Variants in CDC42SE2 observed in about 807,000 individuals in gnomAD.
The protein encoded by CDC42SE2 is CDC42 small effector protein 2.
Under a neutral mutation model 11.5 loss-of-function variants are expected in CDC42SE2, and 3 were observed. The ratio of observed to expected loss-of-function variants is 0.26; its 90% CI spans 0.12 to 0.67. The LOEUF (loss-of-function observed/expected upper bound fraction) is 0.67, where lower values mean the gene tolerates loss of function less well. Among genes scored for constraint, CDC42SE2 ranks in the 30% least tolerant of loss-of-function variants. CDC42SE2 has a pLI of 0.80. For missense variants in CDC42SE2, 82 were observed against 106.8 expected (o/e 0.77, Z 1.02); for synonymous variants, 33 against 34.8 (o/e 0.95, Z 0.18).
intron 3 of CDC42SE2, among the ~76,000 whole-genome samples, chr5:131,381,334 G>GT (rs1488668476): frequency 5.7e-5 from 8 of 139,320 alleles, no homozygotes; most frequent in Admixed American, 2.1e-4. Context: ...TTTTTTTTTT[G>GT]TTTTTTTGAG....
chr5:131,307,552 C>T (rs1757805617), intron 1 of CDC42SE2, among the ~76,000 whole-genome samples: 1 of 152,108 alleles, frequency 6.6e-6, no homozygotes, highest in Admixed American at 6.6e-5. Context: ...TTTATAGCAG[C>T]ATGATTTATA....
chr5:131,277,917 G>A (rs1044494651), intron 1 of CDC42SE2, among the ~76,000 whole-genome samples: 1 of 152,044 alleles, frequency 6.6e-6, no homozygotes, highest in Non-Finnish European at 1.5e-5. Flanking sequence ...TACAATGCCC[G>A]AAACAATACT....
At chr5:131,375,578 C>T (rs892356265) in intron 3 of CDC42SE2, among the ~76,000 whole-genome samples, 1 of 152,314 alleles carries the variant, frequency 6.6e-6, no homozygotes, top group South Asian at 2.1e-4. Context: ...AGGGCCACTG[C>T]TGGCATTCCA....
At chr5:131,376,171 G>A (rs1332224579) in intron 3 of CDC42SE2, among the ~76,000 whole-genome samples, 3 of 151,942 alleles carry the variant, frequency 2.0e-5, no homozygotes, top group South Asian at 2.1e-4. Context: ...CCCAGGAGGC[G>A]GAGGTTGCAG....
rs1436972108 is a variant in CDC42SE2, at chr5:131,392,628, T to C, written c.*1537T>C. On this transcript the variant is annotated 3_prime_UTR_variant, in exon 5 of 5. Coordinates refer to ENST00000505065, the MANE Select transcript of CDC42SE2 (RefSeq NM_001375635.1). ...TTATTTTGAGAGCAAGGACCTGTGG[T>C]TGTAAACAGGTGTGGTTACAGGTGT... The C allele has an allele frequency of 1.3e-5, 2 of 152,396 alleles. No individual in the cohort carries two copies. The highest frequency in any genetic ancestry group is 4.8e-5 in the African/African-American group (2 of 41,472). The allele number at this position is 152,396 out of a possible 1,614,324, so 9.4% of individuals were successfully genotyped here.
chr5:131,298,940 G>T (rs1214855252), intron 1 of CDC42SE2, among the ~76,000 whole-genome samples: 2 of 152,124 alleles, frequency 1.3e-5, no homozygotes, highest in Non-Finnish European at 2.9e-5. Flanking sequence ...ATTGGAAGAG[G>T]GCCTGAATAG....
At chr5:131,218,305 T>C in the CDC42SE2 span, among the ~76,000 whole-genome samples, 7 of 151,966 alleles carry the variant, frequency 4.6e-5, no homozygotes, top group Admixed American at 1.3e-4. Flanking sequence ...TTCAATGATA[T>C]TAATCATCAT....
chr5:131,256,539 G>A (rs1266299495), intron 2 of CDC42SE2, among the ~76,000 whole-genome samples: 1 of 152,180 alleles, frequency 6.6e-6, no homozygotes, highest in Non-Finnish European at 1.5e-5. Context: ...CTCTGCTCAC[G>A]GTATCAGGCT....
chr5:131,279,013 A>T (rs1018001543), intron 1 of CDC42SE2, among the ~76,000 whole-genome samples: 1 of 151,342 alleles, frequency 6.6e-6, no homozygotes, highest in Non-Finnish European at 1.5e-5. Flanking sequence ...TTGAACTCCC[A>T]ACCTCAAGTG....
chr5:131,389,602 C>T (rs1446532686), intron 4 of CDC42SE2, among the ~76,000 whole-genome samples: 2 of 152,178 alleles, frequency 1.3e-5, no homozygotes, highest in African/African-American at 4.8e-5. Flanking sequence ...ACCTGACTTA[C>T]TCAAAAAATG....
intron 2 of CDC42SE2, among the ~76,000 whole-genome samples, chr5:131,317,862 T>C (rs1758072700): frequency 8.5e-6 from 1 of 117,826 alleles, no homozygotes; most frequent in African/African-American, 5.8e-5. Context: ...AGGGAAGAAT[T>C]CACTTTTTTT....
At chr5:131,223,579 T>C in the CDC42SE2 span, among the ~76,000 whole-genome samples, 6 of 152,236 alleles carry the variant, frequency 3.9e-5, no homozygotes, top group African/African-American at 1.4e-4. Flanking sequence ...GTTTATTTAC[T>C]AGATCCTAAT....
At chr5:131,354,033 A>T (rs1467079903) in intron 2 of CDC42SE2, among the ~76,000 whole-genome samples, 1 of 152,096 alleles carries the variant, frequency 6.6e-6, no homozygotes, top group Admixed American at 6.6e-5. Context: ...TGAGCCCAGG[A>T]GTTTGAGACC....
chr5:131,271,028 G>C (rs1214612428), intron 1 of CDC42SE2, among the ~76,000 whole-genome samples: 1 of 152,160 alleles, frequency 6.6e-6, no homozygotes, highest in African/African-American at 2.4e-5. Flanking sequence ...TGGCGAGGTT[G>C]TGCAAAGCTG....
chr5:131,218,671 A>T, the CDC42SE2 span, among the ~76,000 whole-genome samples: 8 of 152,244 alleles, frequency 5.3e-5, no homozygotes. Context: ...GATACTATAC[A>T]GCAATGAGAA....
chr5:131,215,720 G>T, the CDC42SE2 span, among the ~76,000 whole-genome samples: 1 of 152,182 alleles, frequency 6.6e-6, no homozygotes, highest in African/African-American at 2.4e-5. Context: ...CCTGTGTCTA[G>T]AAAAGGAACT....
upstream of CDC42SE2, among the ~76,000 whole-genome samples, chr5:131,261,103 CT>C (rs549924431): frequency 9.1e-4 from 139 of 152,372 alleles, no homozygotes; most frequent in African/African-American, 3.2e-3. Context: ...ATGTTCCTTC[CT>C]GTTGTTTTTG....
At chr5:131,305,275 T>C (rs1757757684) in intron 1 of CDC42SE2, among the ~76,000 whole-genome samples, 1 of 152,208 alleles carries the variant, frequency 6.6e-6, no homozygotes, top group African/African-American at 2.4e-5. Context: ...TTTGTCTCTA[T>C]GTTAAAAGAA....
intron 3 of CDC42SE2, among the ~76,000 whole-genome samples, chr5:131,381,274 C>A (rs188413333): frequency 4.6e-5 from 7 of 152,166 alleles, no homozygotes; most frequent in Non-Finnish European, 7.4e-5. Context: ...TAACTCCTCC[C>A]TCTCACTGTT....
Sources: allele counts gnomAD v4.1 joint callset (sites outside exome capture counted in the v4.1 genomes callset), GRCh38; gene constraint gnomAD v4.1.1; transcripts MANE v1.5; gene names NCBI Gene and HGNC (gene_info 2026-07-23, HGNC 2026-07-21).